DPP6: variants seen among roughly 807,000 people sequenced by gnomAD.
DPP6 encodes the protein A-type potassium channel modulatory protein DPP6.
In DPP6, 69 loss-of-function variants were observed where a neutral mutation model predicts 122.6. The observed-to-expected ratio is 0.56, with a 90% CI of 0.46 to 0.69. The LOEUF is 0.69. Among genes scored for constraint, DPP6 ranks in the 30% least tolerant of loss-of-function variants. The pLI, the probability that DPP6 is intolerant of heterozygous loss-of-function variation, is 0.00. For synonymous variants in DPP6, 418 were observed against 433.1 expected (o/e 0.97, Z 0.43); for missense variants, 928 against 1,116.9 (o/e 0.83, Z 2.41).
intron 1 of DPP6, among the ~76,000 whole-genome samples, chr7:154,398,198 T>C (rs1295658931): frequency 1.3e-5 from 2 of 152,186 alleles, no homozygotes; most frequent in Non-Finnish European, 2.9e-5. Context: ...ATGTTGTGCA[T>C]ATGTAGCTTG....
chr7:154,795,698 C>A, intron 11 of DPP6, 147 bp from the exon 12 acceptor site: 1 of 1,165,158 alleles, frequency 8.6e-7, no homozygotes, highest in South Asian at 1.6e-5. Context: ...CCAGAGCTGC[C>A]GTGGCAGCTG....
At chr7:153,998,428 T>C (rs1585153426) in intron 1 of DPP6, among the ~76,000 whole-genome samples, 3 of 152,332 alleles carry the variant, frequency 2.0e-5, no homozygotes, top group Non-Finnish European at 4.4e-5. Flanking sequence ...TAGAAAAGGA[T>C]GCTGGGGGAG....
chr7:154,558,962 A>G (rs942741485), intron 4 of DPP6, among the ~76,000 whole-genome samples: 2 of 152,228 alleles, frequency 1.3e-5, no homozygotes, highest in Non-Finnish European at 2.9e-5. Flanking sequence ...TCAACAAGAG[A>G]GAATTAAAAA....
chr7:154,646,044 A>AAAAAAAAAAAAAAAAAAC (rs1836458132), intron 6 of DPP6, among the ~76,000 whole-genome samples: 1 of 150,422 alleles, frequency 6.6e-6, no homozygotes, highest in Non-Finnish European at 1.5e-5. Flanking sequence ...AAAAAAAAAA[A>AAAAAAAAAAAAAAAAAAC]AGAAAATACT....
At chr7:154,302,174 C>T (rs948875119) in intron 1 of DPP6, among the ~76,000 whole-genome samples, 1 of 152,108 alleles carries the variant, frequency 6.6e-6, no homozygotes, top group Non-Finnish European at 1.5e-5. Context: ...CAATTAGCAA[C>T]TCCTCACCTC....
chr7:153,923,619 G>A (rs1800746873), intron 1 of DPP6, among the ~76,000 whole-genome samples: 1 of 151,900 alleles, frequency 6.6e-6, no homozygotes, highest in Admixed American at 6.6e-5. Flanking sequence ...AAATTAGCCG[G>A]GCATGGTGGC....
At chr7:154,268,389 G>A (rs1304637281) in intron 1 of DPP6, among the ~76,000 whole-genome samples, 2 of 152,198 alleles carry the variant, frequency 1.3e-5, no homozygotes, top group African/African-American at 4.8e-5. Context: ...TTCAGCATCT[G>A]GTGAGGGCCC....
chr7:154,573,807 C>A (rs1831281285), intron 5 of DPP6, among the ~76,000 whole-genome samples: 1 of 152,228 alleles, frequency 6.6e-6, no homozygotes, highest in African/African-American at 2.4e-5. Context: ...TCTTGGGAAA[C>A]TGTTTAAAGG....
intron 5 of DPP6, among the ~76,000 whole-genome samples, chr7:154,625,549 TC>T (rs1446923724): frequency 6.6e-6 from 1 of 152,226 alleles, no homozygotes; most frequent in Admixed American, 6.5e-5. Context: ...TGTCCTCCAT[TC>T]CCTTAGTGAC....
At chr7:154,828,395 A>G (rs1174541389) in intron 16 of DPP6, among the ~76,000 whole-genome samples, 2 of 152,072 alleles carry the variant, frequency 1.3e-5, no homozygotes, top group East Asian at 3.9e-4. Context: ...CGTGAAGGTC[A>G]CTAGCTTCAG....
intron 6 of DPP6, among the ~76,000 whole-genome samples, chr7:154,651,180 G>A (rs1836853424): frequency 6.6e-6 from 1 of 152,102 alleles, no homozygotes. Context: ...ACTGCACTAG[G>A]TAATAGCACT....
At chr7:154,060,691 C>A (rs199777555) in intron 1 of DPP6, among the ~76,000 whole-genome samples, 9 of 147,516 alleles carry the variant, frequency 6.1e-5, no homozygotes, top group South Asian at 4.4e-4. Context: ...CTCTTCCGCC[C>A]CTGGCTGTTA....
At chr7:154,786,132 G>A (rs1390547744) in intron 10 of DPP6, among the ~76,000 whole-genome samples, 1 of 152,200 alleles carries the variant, frequency 6.6e-6, no homozygotes, top group East Asian at 1.9e-4. Context: ...TTTGTCTGGA[G>A]TGCATTCTCT....
intron 1 of DPP6, among the ~76,000 whole-genome samples, chr7:154,339,152 A>G (rs1040617818): frequency 6.6e-6 from 1 of 152,208 alleles, no homozygotes; most frequent in Non-Finnish European, 1.5e-5. Context: ...CATAGACTGT[A>G]GGAAAATGTG....
At chr7:154,770,274 G>C (rs1796177692) in intron 9 of DPP6, among the ~76,000 whole-genome samples, 1 of 152,220 alleles carries the variant, frequency 6.6e-6, no homozygotes, top group South Asian at 2.1e-4. Context: ...CATGGCGGCA[G>C]ACAAGAGGAG....
chr7:154,047,912 G>A (rs1296557548), upstream of DPP6, among the ~76,000 whole-genome samples: 1 of 145,050 alleles, frequency 6.9e-6, no homozygotes, highest in Non-Finnish European at 1.5e-5. Context: ...AGAGGAAGGT[G>A]GTAAGGTTGT....
chr7:153,938,360 T>A (rs80054550), intron 1 of DPP6, among the ~76,000 whole-genome samples: 2 of 152,182 alleles, frequency 1.3e-5, no homozygotes, highest in African/African-American at 4.8e-5. Context: ...CTGTCAGATT[T>A]ATCACATGGA....
At chr7:153,867,657 G>C in the DPP6 span, among the ~76,000 whole-genome samples, 8 of 152,108 alleles carry the variant, frequency 5.3e-5, no homozygotes, top group Non-Finnish European at 1.2e-4. Context: ...TCTCCTGCCT[G>C]ATTGCCCTGG....
chr7:154,595,334 C>T lies in DPP6; in HGVS notation c.627+28418C>T, dbSNP rs545260069. On this transcript the variant is annotated intron_variant, in intron 5 of 25. Transcript: ENST00000377770. ...TTTAGAGAAAGAGTCCTGGACTCAA[C>T]GCCAGGGAAATGCATGCCCGTGTTC... Among the ~76,000 whole-genome samples the T allele has an allele frequency of 2.0e-4, 30 of 152,276 alleles. 2 individuals are homozygous for T. The South Asian group carries it at 5.4e-3, about 27-fold the overall frequency.
Sources: allele counts gnomAD v4.1 joint callset (sites outside exome capture counted in the v4.1 genomes callset), GRCh38; gene constraint gnomAD v4.1.1; transcripts MANE v1.5; gene names NCBI Gene and HGNC (gene_info 2026-07-23, HGNC 2026-07-21).